Variants in BICD1 observed in about 807,000 individuals in gnomAD.
The protein encoded by BICD1 is BICD cargo adaptor 1, also known as protein bicaudal D homolog 1.
Under a neutral mutation model 92.5 loss-of-function variants are expected in BICD1, and 35 were observed. That is an observed-to-expected ratio of 0.38 (90% CI 0.29 to 0.50). The LOEUF (loss-of-function observed/expected upper bound fraction) is 0.50. Ranked by LOEUF, BICD1 falls within the 20% of genes least tolerant of loss-of-function variation. The pLI, the probability that BICD1 is intolerant of heterozygous loss-of-function variation, is 0.93. For missense variants in BICD1, 950 were observed against 1,189.8 expected (o/e 0.80, Z 2.97); for synonymous variants, 429 against 465.1 (o/e 0.92, Z 1.00).
intron 2 of BICD1, among the ~76,000 whole-genome samples, chr12:32,234,248 C>CT (rs1180362076): frequency 6.6e-6 from 1 of 152,122 alleles, no homozygotes; most frequent in Non-Finnish European, 1.5e-5. Context: ...ATTAAAAGTA[C>CT]TTTTTTAGAA....
intron 2 of BICD1, among the ~76,000 whole-genome samples, chr12:32,229,565 C>G (rs995625547): frequency 1.3e-5 from 2 of 152,072 alleles, no homozygotes; most frequent in African/African-American, 4.8e-5. Flanking sequence ...ATATATTGAC[C>G]ATTGGGTTTA....
chr12:32,374,790 T>C (rs1939873445), intron 9 of BICD1, among the ~76,000 whole-genome samples: 1 of 140,160 alleles, frequency 7.1e-6, no homozygotes, highest in Admixed American at 7.4e-5. Context: ...TTTCTCCATG[T>C]TGGTCAGGAT....
chr12:32,223,819 T>C (rs184214331), intron 2 of BICD1, among the ~76,000 whole-genome samples: 6 of 152,320 alleles, frequency 3.9e-5, no homozygotes, highest in African/African-American at 7.2e-5. Context: ...GGGTTACTAA[T>C]TGGCCTAATT....
intron 1 of BICD1, among the ~76,000 whole-genome samples, chr12:32,193,400 C>T (rs1944632191): frequency 6.6e-6 from 1 of 152,132 alleles, no homozygotes; most frequent in Admixed American, 6.5e-5. Context: ...TACTAGACTA[C>T]AGTATAGTGT....
chr12:32,312,941 CTTAA>C (rs1378447637), intron 4 of BICD1, among the ~76,000 whole-genome samples: 1 of 152,044 alleles, frequency 6.6e-6, no homozygotes, highest in African/African-American at 2.4e-5. Flanking sequence ...AGTCAAATAC[CTTAA>C]TTAGTTTTAT....
intron 1 of BICD1, among the ~76,000 whole-genome samples, chr12:32,214,335 T>G (rs901562390): frequency 6.6e-6 from 1 of 152,204 alleles, no homozygotes; most frequent in Non-Finnish European, 1.5e-5. Flanking sequence ...GGTATATCAT[T>G]GCTTCTAGGC....
intron 1 of BICD1, among the ~76,000 whole-genome samples, chr12:32,136,091 T>G (rs1942727195): frequency 6.6e-6 from 1 of 152,258 alleles, no homozygotes; most frequent in Non-Finnish European, 1.5e-5. Flanking sequence ...TGCTCCTCTG[T>G]GTTCCCCTGT....
At chr12:32,274,219 CTAATA>C (rs1947219660) in intron 2 of BICD1, among the ~76,000 whole-genome samples, 1 of 152,258 alleles carries the variant, frequency 6.6e-6, no homozygotes, top group Non-Finnish European at 1.5e-5. Flanking sequence ...TTCTAGACTT[CTAATA>C]TGATTGTAGA....
chr12:32,276,420 C>A (rs1431759557), intron 2 of BICD1, among the ~76,000 whole-genome samples: 1 of 152,188 alleles, frequency 6.6e-6, no homozygotes, highest in African/African-American at 2.4e-5. Flanking sequence ...AAGGTGACCG[C>A]ATCCACCTTT....
At chr12:32,184,895 G>A (rs970542084) in intron 1 of BICD1, among the ~76,000 whole-genome samples, 5 of 152,108 alleles carry the variant, frequency 3.3e-5, no homozygotes, top group Non-Finnish European at 5.9e-5. Context: ...CCAATTTTGT[G>A]GTTTTCAATA....
At chr12:32,202,987 C>A (rs1454653091) in intron 1 of BICD1, among the ~76,000 whole-genome samples, 1 of 152,118 alleles carries the variant, frequency 6.6e-6, no homozygotes. Flanking sequence ...CTGGCTCCTA[C>A]TTAGATATCT....
chr12:32,218,380 G>A (rs7312077), intron 2 of BICD1, among the ~76,000 whole-genome samples: 12,594 of 152,220 alleles, frequency 0.083, 573 homozygotes, highest in Middle Eastern at 0.13. Flanking sequence ...GGGCCCCCTC[G>A]CAGAGATTCT....
rs116721563 is a variant in BICD1, at chr12:32,144,706, T to C, written c.213+37162T>C. ...CATAACAATGTCAAAAAATCTATTA[T>C]CTACTGAAACCTTTTATATAGCAAG... On this transcript the variant is annotated intron_variant, in intron 1 of 9. Transcript: ENST00000652176. Among the ~76,000 whole-genome samples the C allele has an allele frequency of 2.8e-3, 427 of 152,322 alleles. 1 individual carries two copies. Among genetic ancestry groups the C allele is most frequent in the African/African-American group, 9.7e-3 (404 of 41,564 alleles).
intron 2 of BICD1, among the ~76,000 whole-genome samples, chr12:32,291,901 A>G (rs1947735962): frequency 6.6e-6 from 1 of 152,180 alleles, no homozygotes; most frequent in Admixed American, 6.5e-5. Flanking sequence ...TATGTCGGAA[A>G]GTCAGGTATA....
intron 1 of BICD1, among the ~76,000 whole-genome samples, chr12:32,157,554 C>G (rs1375898817): frequency 6.6e-6 from 1 of 152,168 alleles, no homozygotes; most frequent in Non-Finnish European, 1.5e-5. Context: ...ATCAAGGGTG[C>G]TCTCCACCCT....
intron 1 of BICD1, among the ~76,000 whole-genome samples, chr12:32,118,513 G>A (rs1404847422): frequency 1.3e-5 from 2 of 152,152 alleles, no homozygotes; most frequent in Admixed American, 6.5e-5. Flanking sequence ...AACGTATACA[G>A]GCTTTTTTTG....
chr12:32,133,230 G>A (rs1432620263), intron 1 of BICD1, among the ~76,000 whole-genome samples: 1 of 152,088 alleles, frequency 6.6e-6, no homozygotes, highest in Non-Finnish European at 1.5e-5. Context: ...GCTCATGCCT[G>A]TAATCCCAGC....
intron 2 of BICD1, among the ~76,000 whole-genome samples, chr12:32,287,047 C>T (rs776278591): frequency 1.3e-4 from 19 of 151,902 alleles, no homozygotes; most frequent in Non-Finnish European, 2.4e-4. Flanking sequence ...GGAAGGTTTC[C>T]CTGAGGAGAT....
chr12:32,257,165 A>T (rs1946741073), intron 2 of BICD1, among the ~76,000 whole-genome samples: 1 of 139,264 alleles, frequency 7.2e-6, no homozygotes, highest in Admixed American at 7.7e-5. Context: ...GTGAGCAGAG[A>T]TGGCACCACT....
Sources: allele counts gnomAD v4.1 joint callset (sites outside exome capture counted in the v4.1 genomes callset), GRCh38; gene constraint gnomAD v4.1.1; transcripts MANE v1.5; gene names NCBI Gene and HGNC (gene_info 2026-07-23, HGNC 2026-07-21).